The following GSDMA variants were observed in gnomAD, a reference collection of about 807,000 sequenced individuals.
GSDMA encodes gasdermin A.
In GSDMA, 55 loss-of-function variants were observed where a neutral mutation model predicts 54.3. The ratio of observed to expected loss-of-function variants is 1.01; its 90% CI spans 0.82 to 1.27. The LOEUF is 1.27. Ranked by LOEUF, GSDMA falls within the 50% of genes most tolerant of loss-of-function variation. The pLI, the probability that GSDMA is intolerant of heterozygous loss-of-function variation, is 0.00. For missense variants in GSDMA, 542 were observed against 542.6 expected, an observed-to-expected ratio of 1.00 and a Z score of 0.01; for synonymous variants, 211 against 224.7, an observed-to-expected ratio of 0.94 and a Z score of 0.54.
rs147122182 is a variant in GSDMA at position 39,972,588 on chromosome 17, A to T, written c.705A>T (p.Glu235Asp). The change falls in exon 7 of 12, where the codon GAA becomes GAT. Residue 235 changes from glutamate to aspartate, a missense_variant and splice_region_variant. Physicochemically the swap from Glu to Asp is conservative, Grantham distance 45 (BLOSUM62 2). Transcript: ENST00000301659. ...GATGTGCATTTTTTCTGTCTTCAGA[A>T]AAGTCAGGAGAGGAGAAGGTCATCC... ...NDNMQTFPPG[E>D]KSGEEKVILI... 2.2e-5 allele frequency: 35 copies of T among 1,613,046 alleles called. 1 individual carries two copies. In the Middle Eastern group the frequency reaches 4.9e-4, roughly 23 times the overall value.
Position 39,974,376 on chromosome 17 carries a change from C to T in GSDMA, c.855C>T (p.Ser285=). ...TAGGGCAAAGCTCCCTGCTCAGCTC[C>T]CTCAGCAAACTTCTAGGGAAGAAAA... ...SRVGQSSLLS[S]LSKLLGKKKE... The change falls in exon 9 of 12, where the codon TCC becomes TCT. Residue 285 remains serine, a synonymous_variant. Coordinates refer to ENST00000301659, the MANE Select transcript of GSDMA (RefSeq NM_178171.5). The T allele has an allele frequency of 1.3e-6, 2 of 1,597,466 alleles. No individual in the cohort carries two copies. The highest frequency in any genetic ancestry group is 1.1e-5 in the South Asian group (1 of 88,242).
chr17:39,971,733 G>T (rs1979953740), intron 5 of GSDMA, 113 bp downstream of exon 5: 1 of 754,746 alleles, frequency 1.3e-6, no homozygotes, highest in African/African-American at 1.7e-5. Flanking sequence ...GGGGTGTATT[G>T]TACTGTGATC....
chr17:39,966,356 C>T lies in GSDMA; in HGVS notation c.311C>T (p.Thr104Met), dbSNP rs375928728. Reference sequence around the variant, plus strand: ...CCAAAGACGGTGAAGGTGAAGGGAACGGCAGGGCTCTCGCAGAACAGCACT... The same window carrying T: ...CCAAAGACGGTGAAGGTGAAGGGAATGGCAGGGCTCTCGCAGAACAGCACT... ...DVPKTVKVKG[T>M]AGLSQNSTLE... Residue 104 changes from threonine to methionine, a missense_variant, in exon 3 of 12, where the codon ACG becomes ATG. Coordinates refer to ENST00000301659, the MANE Select transcript of GSDMA (RefSeq NM_178171.5). 2.2e-5 allele frequency: 36 copies of T among 1,613,756 alleles called. No individual in the cohort carries two copies. Among genetic ancestry groups the T allele is most frequent in the African/African-American group, 1.5e-4 (11 of 74,902 alleles).
Position 39,965,692 on chromosome 17 carries a change from C to G in GSDMA, c.5C>G (p.Thr2Ser). The G allele has an allele frequency of 1.2e-6, 2 of 1,603,082 alleles. No homozygotes were observed. The highest frequency in any genetic ancestry group is 1.7e-6 in the Non-Finnish European group (2 of 1,175,008). Residue 2 changes from threonine to serine, a missense_variant, in exon 2 of 12, where the codon ACC becomes AGC. Thr to Ser is a moderately conservative substitution (Grantham distance 58). Transcript: ENST00000301659. ...CTCCCCACCTCCACAGAGACAATGA[C>G]CATGTTTGAAAATGTCACCCGGGCC... Reference protein sequence around the residue: MTMFENVTRALA... With the variant: MSMFENVTRALA...
chr17:39,970,904 G>A (rs1979910659), intron 4 of GSDMA, among the ~76,000 whole-genome samples: 1 of 152,180 alleles, frequency 6.6e-6, no homozygotes, highest in Non-Finnish European at 1.5e-5. Context: ...CTGGGGAAGG[G>A]GAAAGTCACA....
At chr17:39,965,031 G>A (rs1979570627) in intron 1 of GSDMA, among the ~76,000 whole-genome samples, 1 of 151,714 alleles carries the variant, frequency 6.6e-6, no homozygotes, top group African/African-American at 2.4e-5. Flanking sequence ...GAAGTGGGAG[G>A]ATCAATTAAG....
chr17:39,976,560 G>T (rs1321377852), intron 11 of GSDMA, among the ~76,000 whole-genome samples: 1 of 152,156 alleles, frequency 6.6e-6, no homozygotes, highest in Admixed American at 6.5e-5. Context: ...TTACAGGTGT[G>T]AGCCACCTCG....
intron 7 of GSDMA, among the ~76,000 whole-genome samples, 178 bp from the exon 8 acceptor site, chr17:39,973,632 G>T (rs559800398): frequency 5.3e-4 from 81 of 151,924 alleles, no homozygotes; most frequent in African/African-American, 1.9e-3. Flanking sequence ...CAACTCGGCC[G>T]CCCAGCAACT....
chr17:39,966,312 G>A lies in GSDMA; in HGVS notation c.267G>A (p.Val89=), dbSNP rs1598302409. The change falls in exon 3 of 12, where the codon GTG becomes GTA. Residue 89 remains valine (V), a synonymous_variant. Coordinates refer to ENST00000301659, the MANE Select transcript of GSDMA (RefSeq NM_178171.5). ...FGFKNMLDTR[V]EGDVDVPKTV... is the part of the protein sequence containing the mutation. ...TTAAGAATATGCTGGACACCCGAGT[G>A]GAGGGAGATGTGGATGTACCAAAGA... 3 of 1,613,982 alleles carry A rather than the reference G, an allele frequency of 1.9e-6. No homozygotes were observed. The highest frequency in any genetic ancestry group is 4.5e-5 in the East Asian group (2 of 44,876).
intron 3 of GSDMA, among the ~76,000 whole-genome samples, chr17:39,967,279 G>C (rs1979712412): frequency 6.6e-6 from 1 of 152,192 alleles, no homozygotes; most frequent in Non-Finnish European, 1.5e-5. Context: ...CTTGTGGCAG[G>C]TCAAAGGGAC....
chr17:39,974,106 G>T (rs114920409), intron 8 of GSDMA, among the ~76,000 whole-genome samples, 167 bp from the exon 9 acceptor site: 2,578 of 152,254 alleles, frequency 0.017, 78 homozygotes, highest in African/African-American at 0.058. Context: ...TTGGTGGATA[G>T]TTCTGTCACC....
intron 1 of GSDMA, among the ~76,000 whole-genome samples, chr17:39,963,671 T>C (rs1304011379): frequency 6.6e-6 from 1 of 152,100 alleles, no homozygotes; most frequent in Non-Finnish European, 1.5e-5. Flanking sequence ...CTGGCCAACA[T>C]GGTGAAACAC....
chr17:39,966,467 G>A lies in GSDMA; in HGVS notation c.392+30G>A, dbSNP rs757775719. 2.2e-5 allele frequency: 35 copies of A among 1,559,384 alleles called. 1 individual carries two copies. The South Asian group carries it at 2.6e-4, about 12-fold the overall frequency. On this transcript the variant is annotated intron_variant, in intron 3 of 11. Coordinates refer to ENST00000301659, the MANE Select transcript of GSDMA (RefSeq NM_178171.5). ...GAGTGGGCGGGACTGAGGGTCTCCCGGGATGTGGGTGGGGCAGTGCATGGA... is the reference window on the plus strand; with the variant it reads ...GAGTGGGCGGGACTGAGGGTCTCCCAGGATGTGGGTGGGGCAGTGCATGGA...
intron 5 of GSDMA, 79 bp downstream of exon 5, chr17:39,971,699 C>T (rs139041764): frequency 9.5e-6 from 10 of 1,053,540 alleles, no homozygotes; most frequent in African/African-American, 7.8e-5. Flanking sequence ...TCCCCTCTTG[C>T]GGAAATGTCA....
intron 11 of GSDMA, 128 bp from the exon 12 acceptor site, chr17:39,976,688 G>A: frequency 8.1e-7 from 1 of 1,234,998 alleles, no homozygotes; most frequent in South Asian, 1.4e-5. Context: ...AGACCCAGAT[G>A]GGGTTGTAAT....
chr17:39,969,102 G>A (rs1322365317), intron 3 of GSDMA, among the ~76,000 whole-genome samples: 3 of 152,050 alleles, frequency 2.0e-5, no homozygotes, highest in Non-Finnish European at 4.4e-5. Flanking sequence ...ACTCCCGTAA[G>A]CCCAGCACTT....
At chr17:39,972,453 T>C (rs951459967) in intron 6 of GSDMA, 134 bp from the exon 7 acceptor site, 3 of 820,658 alleles carry the variant, frequency 3.7e-6, no homozygotes, top group African/African-American at 3.4e-5. Flanking sequence ...TCCCGAATCA[T>C]GGGGGTGGAT....
intron 7 of GSDMA, among the ~76,000 whole-genome samples, 186 bp from the exon 8 acceptor site, chr17:39,973,624 A>T (rs1980061331): frequency 6.6e-6 from 1 of 151,848 alleles, no homozygotes; most frequent in Non-Finnish European, 1.5e-5. Flanking sequence ...CACATCTGCA[A>T]CTCGGCCGCC....
chr17:39,972,619 T>C lies in GSDMA; in HGVS notation c.730+6T>C, dbSNP rs1422979393. Reference sequence around the variant, plus strand: ...AGGAGAGGAGAAGGTCATCCGTAAGTGTTTCCTTTCATTCCACTGAAACTT... The same window carrying C: ...AGGAGAGGAGAAGGTCATCCGTAAGCGTTTCCTTTCATTCCACTGAAACTT... On this transcript the variant is annotated splice_donor_region_variant and intron_variant, in intron 7 of 11. Transcript: ENST00000301659. 1 of 1,611,596 alleles carries C rather than the reference T, an allele frequency of 6.2e-7. No individual in the cohort carries two copies. Among genetic ancestry groups the C allele is most frequent in the Non-Finnish European group, 8.5e-7 (1 of 1,178,552 alleles).
Sources: allele counts gnomAD v4.1 joint callset (sites outside exome capture counted in the v4.1 genomes callset), GRCh38; gene constraint gnomAD v4.1.1; transcripts MANE v1.5; gene names NCBI Gene and HGNC (gene_info 2026-07-23, HGNC 2026-07-21).